The following FAM149B1 variants were observed in gnomAD, a reference collection of about 807,000 sequenced individuals.
FAM149B1 encodes the protein family with sequence similarity 149 member B1, also known as primary cilium assembly protein FAM149B1.
A neutral mutation model predicts 75.3 loss-of-function variants in FAM149B1; 56 were observed. The ratio of observed to expected loss-of-function variants is 0.74; its 90% CI spans 0.60 to 0.93. The LOEUF is 0.93. Ranked by LOEUF, FAM149B1 falls within the 40% of genes least tolerant of loss-of-function variation. The probability of loss-of-function intolerance (pLI) is 0.00; values close to 1 mark genes in which losing one functional copy is unlikely to be tolerated. For synonymous variants in FAM149B1, 259 were observed against 256.1 expected, an observed-to-expected ratio of 1.01 and a Z score of -0.11; for missense variants, 639 against 708.4, an observed-to-expected ratio of 0.90 and a Z score of 1.11.
At chr10:73,179,184 C>G (rs187198701) in intron 3 of FAM149B1, among the ~76,000 whole-genome samples, 155 of 152,136 alleles carry the variant, frequency 1.0e-3, no homozygotes, top group Non-Finnish European at 1.9e-3. Context: ...AGGATGGTCT[C>G]GATCTCTTGA....
At chr10:73,222,366 T>G (rs561954806) in intron 7 of FAM149B1, among the ~76,000 whole-genome samples, 44 of 152,236 alleles carry the variant, frequency 2.9e-4, no homozygotes, top group African/African-American at 1.1e-3. Flanking sequence ...GTCTGGAGAG[T>G]GGGAACAGGC....
intron 1 of FAM149B1, among the ~76,000 whole-genome samples, chr10:73,171,820 G>A (rs912977948): frequency 2.6e-5 from 4 of 151,878 alleles, no homozygotes; most frequent in African/African-American, 9.7e-5. Context: ...AGTAGAGACG[G>A]GGTTTCACCG....
At chr10:73,181,734 A>T (rs1327183915) in intron 3 of FAM149B1, among the ~76,000 whole-genome samples, 1 of 152,178 alleles carries the variant, frequency 6.6e-6, no homozygotes, top group African/African-American at 2.4e-5. Flanking sequence ...GTTAGGCGAA[A>T]TCTTCTGTAA....
intron 7 of FAM149B1, among the ~76,000 whole-genome samples, chr10:73,213,763 C>CAGCTTT (rs1290041485): frequency 6.6e-6 from 1 of 152,196 alleles, no homozygotes; most frequent in Non-Finnish European, 1.5e-5. Flanking sequence ...GTGAGTCCTC[C>CAGCTTT]AGCTTTGTCC....
intron 7 of FAM149B1, among the ~76,000 whole-genome samples, chr10:73,223,432 A>G (rs1050643186): frequency 2.0e-5 from 3 of 152,174 alleles, no homozygotes; most frequent in Admixed American, 6.5e-5. Context: ...TGACTATATC[A>G]CACCCTACTG....
intron 1 of FAM149B1, among the ~76,000 whole-genome samples, chr10:73,170,802 G>C (rs1402521455): frequency 6.6e-6 from 1 of 151,974 alleles, no homozygotes; most frequent in Non-Finnish European, 1.5e-5. Flanking sequence ...AAAAAAAATT[G>C]TGAGGAAACT....
chr10:73,235,215 G>C lies in FAM149B1; in HGVS notation c.1499G>C (p.Arg500Pro). The C allele has an allele frequency of 6.4e-7, 1 of 1,551,594 alleles. No homozygotes were observed. The highest frequency in any genetic ancestry group is 8.7e-7 in the Non-Finnish European group (1 of 1,146,938). Residue 500 changes from arginine (R) to proline (P), a missense_variant, in exon 12 of 14, where the codon CGA becomes CCA. Physicochemically the swap from Arg to Pro is moderately radical, Grantham distance 103. Coordinates refer to ENST00000242505, the MANE Select transcript of FAM149B1 (RefSeq NM_173348.2). ...RQMKPHGDSS[R>P]AQSAVVDEPN... ...CAGAAACCCCATGGCGACTCTAGTC[G>C]AGCTCAAAGTGCGGTGGTGGATGAA... is the stretch of plus-strand genomic sequence containing the variant.
At position 73,242,029 on chromosome 10, in the gene FAM149B1, T is replaced by C. The variant is rs907046682; in HGVS notation, c.*1010T>C. On this transcript the variant is annotated 3_prime_UTR_variant, in exon 14 of 14. Coordinates refer to ENST00000242505, the MANE Select transcript of FAM149B1 (RefSeq NM_173348.2). ...ATTGTCATGCCAGTTTTAGATCTTA[T>C]TAATTTTCAGAATGGATAAATTCAA... 1 of 152,224 alleles carries C rather than the reference T, an allele frequency of 6.6e-6. No individual in the cohort carries two copies. The highest frequency in any genetic ancestry group is 2.4e-5 in the African/African-American group (1 of 41,460). The allele number at this position is 152,224 out of a possible 1,614,324, so 9.4% of individuals were successfully genotyped here.
At chr10:73,208,556 G>A in intron 5 of FAM149B1, 63 bp from the exon 6 acceptor site, 1 of 1,211,338 alleles carries the variant, frequency 8.3e-7, no homozygotes, top group Non-Finnish European at 1.1e-6. Context: ...TCATGTAACT[G>A]TGTTGCCATA....
At chr10:73,188,788 AG>A (rs1554854979) in intron 3 of FAM149B1, among the ~76,000 whole-genome samples, 1 of 151,098 alleles carries the variant, frequency 6.6e-6, no homozygotes, top group Non-Finnish European at 1.5e-5. Flanking sequence ...GAAGGAAGGA[AG>A]GAAGGAAGGA....
At chr10:73,235,525 C>A in intron 12 of FAM149B1, 2 of 1,187,164 alleles carry the variant, frequency 1.7e-6, no homozygotes, top group East Asian at 3.0e-5. Flanking sequence ...ATACAGAAAT[C>A]ACAAATATTC....
chr10:73,168,637 T>C (rs956823046), intron 1 of FAM149B1, among the ~76,000 whole-genome samples: 1 of 152,206 alleles, frequency 6.6e-6, no homozygotes, highest in African/African-American at 2.4e-5. Flanking sequence ...CCGCAGTGCT[T>C]CAGGTCCCAT....
chr10:73,206,006 G>A (rs189818118), intron 5 of FAM149B1, among the ~76,000 whole-genome samples: 239 of 152,342 alleles, frequency 1.6e-3, no homozygotes, highest in Non-Finnish European at 2.7e-3. Context: ...GAAGACAACA[G>A]GAAGAGGGAA....
intron 4 of FAM149B1, 111 bp from the exon 5 acceptor site, chr10:73,193,366 C>A: frequency 1.0e-6 from 1 of 976,298 alleles, no homozygotes; most frequent in Non-Finnish European, 1.5e-6. Context: ...CAGTATCAGA[C>A]TGTATACTGG....
chr10:73,181,730 C>T (rs1044313330), intron 3 of FAM149B1, among the ~76,000 whole-genome samples: 5 of 152,116 alleles, frequency 3.3e-5, no homozygotes, highest in Admixed American at 6.5e-5. Flanking sequence ...AGCTGTTAGG[C>T]GAAATCTTCT....
intron 7 of FAM149B1, among the ~76,000 whole-genome samples, chr10:73,224,420 C>T (rs2043487792): frequency 6.6e-6 from 1 of 151,138 alleles, no homozygotes; most frequent in South Asian, 2.1e-4. Context: ...GTGATATATT[C>T]ATACAATGGA....
At position 73,233,100 on chromosome 10, in the gene FAM149B1, G is replaced by C. The variant is rs2043747508; in HGVS notation, c.1289G>C (p.Ser430Thr). ...CCACCACGAACTCTTCATCCGATCA[G>C]CACGAGCCATTCATGTGCTGAAACA... The part of the protein sequence containing the change: ...NPPPRTLHPI[S>T]TSHSCAETPR... Residue 430 changes from serine to threonine, a missense_variant, in exon 10 of 14, where the codon AGC becomes ACC. Ser to Thr is a moderately conservative substitution (Grantham distance 58). Coordinates refer to ENST00000242505, the MANE Select transcript of FAM149B1 (RefSeq NM_173348.2). 1 of 1,551,684 alleles carries C rather than the reference G, an allele frequency of 6.4e-7. No homozygotes were observed. Among genetic ancestry groups the C allele is most frequent in the African/African-American group, 1.4e-5 (1 of 73,144 alleles).
At chr10:73,227,617 C>G (rs1315705634) in intron 7 of FAM149B1, among the ~76,000 whole-genome samples, 1 of 152,154 alleles carries the variant, frequency 6.6e-6, no homozygotes, top group African/African-American at 2.4e-5. Context: ...ATGAAGGTTT[C>G]CCTAGAGCTA....
chr10:73,220,709 TAAG>T (rs2043393252), intron 7 of FAM149B1, among the ~76,000 whole-genome samples: 1 of 152,124 alleles, frequency 6.6e-6, no homozygotes, highest in African/African-American at 2.4e-5. Context: ...GGTGTCCTTG[TAAG>T]AAGAGGAAGG....
Sources: allele counts gnomAD v4.1 joint callset (sites outside exome capture counted in the v4.1 genomes callset), GRCh38; gene constraint gnomAD v4.1.1; transcripts MANE v1.5; gene names NCBI Gene and HGNC (gene_info 2026-07-23, HGNC 2026-07-21).